Variants in FCER1A observed in about 807,000 individuals in gnomAD.
The protein encoded by FCER1A is high affinity immunoglobulin epsilon receptor subunit alpha.
In FCER1A, 24 loss-of-function variants were observed where a neutral mutation model predicts 23.6. The ratio of observed to expected loss-of-function variants is 1.02; its 90% CI spans 0.74 to 1.43. FCER1A has a LOEUF of 1.43. Ranked by LOEUF, FCER1A falls within the 40% of genes most tolerant of loss-of-function variation. The probability of loss-of-function intolerance (pLI) is 0.00; values close to 1 mark genes in which losing one functional copy is unlikely to be tolerated. For missense variants in FCER1A, 318 were observed against 294.5 expected (o/e 1.08, Z -0.58); for synonymous variants, 121 against 108.8 (o/e 1.11, Z -0.70).
At chr1:159,304,285 G>A in intron 3 of FCER1A, 103 bp downstream of exon 3, 1 of 1,128,824 alleles carries the variant, frequency 8.9e-7, no homozygotes, top group East Asian at 2.4e-5. Flanking sequence ...ACCAGAGTGG[G>A]ATTCAAGGCC....
intron 1 of FCER1A, among the ~76,000 whole-genome samples, chr1:159,295,909 C>G (rs1274525941): frequency 6.6e-6 from 1 of 152,108 alleles, no homozygotes; most frequent in Non-Finnish European, 1.5e-5. Context: ...GCACTCCCAA[C>G]AATCAATAAT....
chr1:159,284,911 T>C (rs1485310245), upstream of FCER1A, among the ~76,000 whole-genome samples: 1 of 152,246 alleles, frequency 6.6e-6, no homozygotes, highest in East Asian at 1.9e-4. Context: ...CCTTGACTTT[T>C]ATTACAGGAA....
At chr1:159,283,755 G>A in the FCER1A span, among the ~76,000 whole-genome samples, 1 of 152,130 alleles carries the variant, frequency 6.6e-6, no homozygotes, top group African/African-American at 2.4e-5. Flanking sequence ...GGCTTGAGAA[G>A]TGGCCCAGGG....
At chr1:159,299,821 C>T (rs746634940), upstream of FCER1A, among the ~76,000 whole-genome samples, 3 of 151,908 alleles carry the variant, frequency 2.0e-5, no homozygotes, top group Non-Finnish European at 4.4e-5. Flanking sequence ...TGTATCAGCC[C>T]GTTCTTCCAG....
chr1:159,284,571 G>A, the FCER1A span, among the ~76,000 whole-genome samples: 1 of 152,134 alleles, frequency 6.6e-6, no homozygotes, highest in African/African-American at 2.4e-5. Context: ...CATAATGCTT[G>A]TTCATTATAG....
chr1:159,302,512 T>C, intron 1 of FCER1A, 93 bp downstream of exon 1: 1 of 907,390 alleles, frequency 1.1e-6, no homozygotes. Context: ...GGTGACTTTT[T>C]CTAGGACATG....
Position 159,294,523 on chromosome 1 carries a change from T to G in FCER1A, c.-60+4770T>G, listed in dbSNP as rs138146420. ...TGTACGTCTATGGAGCAACATTATT[T>G]ACTTTTTACAAACGTTAGTCACAAG... On this transcript the variant is annotated intron_variant, in intron 1 of 5. Coordinates refer to the FCER1A transcript ENST00000368115. Among the ~76,000 whole-genome samples, 161 of 152,320 alleles carry G rather than the reference T, an allele frequency of 1.1e-3. 4 individuals are homozygous for G. The East Asian group carries it at 0.03, about 29-fold the overall frequency.
the FCER1A span, among the ~76,000 whole-genome samples, chr1:159,284,681 T>G: frequency 6.6e-6 from 1 of 152,214 alleles, no homozygotes; most frequent in South Asian, 2.1e-4. Context: ...TTCTAATCTT[T>G]TATGCATTCA....
rs1206791928 is a variant in FCER1A, at chr1:159,303,991, T to C, written c.140T>C (p.Val47Ala). 1 of 1,612,980 alleles carries C rather than the reference T, an allele frequency of 6.2e-7. No individual in the cohort carries two copies. The change falls in exon 3 of 5, where the codon GTG (valine) becomes GCG (alanine). Residue 47 changes from valine to alanine, a missense_variant. Val to Ala is a moderately conservative substitution (Grantham distance 64). Transcript: ENST00000693622. ...PWNRIFKGENVTLTCNGNNFF... is the reference protein window; with the variant it reads ...PWNRIFKGENATLTCNGNNFF... ...AATAGAATATTTAAAGGAGAGAATG[T>C]GACTCTTACATGTAATGGGAACAAT...
chr1:159,291,069 T>A (rs1652139266), intron 1 of FCER1A, among the ~76,000 whole-genome samples: 1 of 152,132 alleles, frequency 6.6e-6, no homozygotes, highest in African/African-American at 2.4e-5. Context: ...GATTTTTTTC[T>A]AGCAAGTTAA....
At chr1:159,293,895 A>C (rs1652226888) in intron 1 of FCER1A, among the ~76,000 whole-genome samples, 1 of 152,002 alleles carries the variant, frequency 6.6e-6, no homozygotes, top group Admixed American at 6.6e-5. Context: ...AACCCCATCA[A>C]AAAGTGGGCG....
chr1:159,294,805 T>G (rs925428503), intron 1 of FCER1A, among the ~76,000 whole-genome samples: 1 of 152,198 alleles, frequency 6.6e-6, no homozygotes, highest in Non-Finnish European at 1.5e-5. Context: ...TTAAGCCATT[T>G]CTTTATTTGT....
At chr1:159,300,187 A>T (rs1325297134), upstream of FCER1A, among the ~76,000 whole-genome samples, 1 of 152,168 alleles carries the variant, frequency 6.6e-6, no homozygotes, top group Non-Finnish European at 1.5e-5. Flanking sequence ...TCCAAAGCTT[A>T]TACTCTTCGA....
At chr1:159,290,739 C>T (rs1312154855) in intron 1 of FCER1A, among the ~76,000 whole-genome samples, 1 of 152,152 alleles carries the variant, frequency 6.6e-6, no homozygotes, top group Non-Finnish European at 1.5e-5. Context: ...TGCCTGAATA[C>T]AGTCAGTGTT....
At chr1:159,300,520 A>G (rs537469367), upstream of FCER1A, among the ~76,000 whole-genome samples, 1 of 152,234 alleles carries the variant, frequency 6.6e-6, no homozygotes, top group South Asian at 2.1e-4. Flanking sequence ...AATCCTATCC[A>G]ACAACTTTCT....
At chr1:159,287,862 A>G (rs1031889666), upstream of FCER1A, among the ~76,000 whole-genome samples, 1 of 151,442 alleles carries the variant, frequency 6.6e-6, no homozygotes, top group Non-Finnish European at 1.5e-5. Context: ...TAACATCTTG[A>G]TATAATAATC....
At chr1:159,297,892 A>G (rs1322780441), upstream of FCER1A, among the ~76,000 whole-genome samples, 1 of 152,100 alleles carries the variant, frequency 6.6e-6, no homozygotes, top group African/African-American at 2.4e-5. Flanking sequence ...ATTTTTTTTA[A>G]AGAAGGAAAA....
chr1:159,306,483 T>C (rs1304935799), intron 4 of FCER1A, among the ~76,000 whole-genome samples: 1 of 152,222 alleles, frequency 6.6e-6, no homozygotes, highest in Non-Finnish European at 1.5e-5. Context: ...TGAAGATTAA[T>C]GTGGTAATAT....
chr1:159,298,155 C>T (rs898423110), upstream of FCER1A, among the ~76,000 whole-genome samples: 1 of 152,096 alleles, frequency 6.6e-6, no homozygotes, highest in Non-Finnish European at 1.5e-5. Flanking sequence ...GATGCTTCAT[C>T]GGCAAAGTGT....
Sources: gnomAD v4.1 joint callset for allele counts (sites outside exome capture counted in the v4.1 genomes callset) on GRCh38, gnomAD v4.1.1 for gene constraint, MANE v1.5 for transcripts, NCBI Gene and HGNC (gene_info 2026-07-23, HGNC 2026-07-21) for gene names.